The following PPIL4 variants were observed in gnomAD, a reference collection of about 807,000 sequenced individuals.
PPIL4 encodes peptidyl-prolyl cis-trans isomerase-like 4.
Under a neutral mutation model 69.1 loss-of-function variants are expected in PPIL4, and 50 were observed. That is an observed-to-expected ratio of 0.72 (90% confidence interval 0.58 to 0.92). PPIL4 has a LOEUF of 0.92. Ranked by LOEUF, PPIL4 falls within the 40% of genes least tolerant of loss-of-function variation. The probability of loss-of-function intolerance (pLI) is 0.00; values close to 1 mark genes in which losing one functional copy is unlikely to be tolerated. For missense variants in PPIL4, 480 were observed against 587.9 expected (o/e 0.82, Z 1.90); for synonymous variants, 193 against 191.6 (o/e 1.01, Z -0.06).
chr6:149,508,459 G>A (rs1776797523), intron 12 of PPIL4, among the ~76,000 whole-genome samples: 1 of 151,884 alleles, frequency 6.6e-6, no homozygotes, highest in African/African-American at 2.4e-5. Flanking sequence ...ACACAAAATG[G>A]CCAATTTAAA....
intron 4 of PPIL4, 128 bp from the exon 5 acceptor site, chr6:149,535,866 T>C (rs1051881225): frequency 8.2e-6 from 5 of 608,248 alleles, no homozygotes; most frequent in Non-Finnish European, 8.3e-6. Flanking sequence ...TCTTAGACAC[T>C]TGTTACCAAA....
intron 1 of PPIL4, among the ~76,000 whole-genome samples, chr6:149,542,184 A>G (rs1252180799): frequency 6.6e-6 from 1 of 152,196 alleles, no homozygotes; most frequent in African/African-American, 2.4e-5. Flanking sequence ...ACGAGAAAAA[A>G]GAACACTTAA....
chr6:149,520,391 AAAAC>A (rs1196859270), intron 10 of PPIL4, among the ~76,000 whole-genome samples: 8 of 152,156 alleles, frequency 5.3e-5, no homozygotes, highest in African/African-American at 1.7e-4. Flanking sequence ...TATGACAACT[AAAAC>A]AAACAAAAAA....
At chr6:149,520,122 A>G (rs751403246) in intron 10 of PPIL4, among the ~76,000 whole-genome samples, 1 of 152,186 alleles carries the variant, frequency 6.6e-6, no homozygotes, top group Non-Finnish European at 1.5e-5. Flanking sequence ...ATATGAACTG[A>G]TCTCTTAGAT....
chr6:149,517,255 C>T lies in PPIL4; in HGVS notation c.1079+99G>A. 4 of 680,980 alleles carry T rather than the reference C, an allele frequency of 5.9e-6. No homozygotes were observed. The South Asian group carries it at 7.4e-5, about 13-fold the overall frequency. 42.2% of individuals were successfully genotyped at this position (680,980 alleles called of 1,614,324 possible). A position where few individuals can be genotyped will look rare whatever the true frequency, so the allele number is the denominator to read the frequency against. On this transcript the variant is annotated intron_variant, in intron 11 of 12. Transcript: ENST00000253329. ...AACAATCTGGATTCAGGAAATTTGT[C>T]TTCTATAGCTTTTGTGACTTTTCAT...
intron 7 of PPIL4, among the ~76,000 whole-genome samples, chr6:149,527,027 G>A (rs760016280): frequency 8.5e-5 from 13 of 152,272 alleles, no homozygotes; most frequent in Non-Finnish European, 1.8e-4. Context: ...GATCTATTAC[G>A]CTAATTCTTG....
intron 9 of PPIL4, 45 bp downstream of exon 9, chr6:149,525,098 A>C (rs1197702982): frequency 9.7e-7 from 1 of 1,029,540 alleles, no homozygotes; most frequent in South Asian, 1.5e-5. Flanking sequence ...TTAATACCAT[A>C]TAAAAGCAAA....
chr6:149,536,874 T>A (rs1777284929), intron 4 of PPIL4, among the ~76,000 whole-genome samples: 2 of 152,074 alleles, frequency 1.3e-5, no homozygotes, highest in African/African-American at 4.8e-5. Flanking sequence ...GCCTATGTAA[T>A]CCCAGCACTT....
At chr6:149,531,450 C>T (rs553460681) in intron 7 of PPIL4, among the ~76,000 whole-genome samples, 2 of 149,572 alleles carry the variant, frequency 1.3e-5, no homozygotes, top group East Asian at 2.0e-4. Flanking sequence ...GCAGCTGAAT[C>T]GCTTGAACCT....
In PPIL4 at chr6:149,507,059, A is replaced by T. The variant is rs533354985; in HGVS notation, c.1228-1355T>A. ...TACTTTGTAAAATTTAACTTTCTTA[A>T]GACTGCCCAAAGGAAAGGAAAATTC... On this transcript the variant is annotated intron_variant, in intron 12 of 12. Coordinates refer to ENST00000253329, the MANE Select transcript of PPIL4 (RefSeq NM_139126.4). Among the ~76,000 whole-genome samples, 165 of 152,334 alleles carry T rather than the reference A, an allele frequency of 1.1e-3. 1 individual carries two copies. The highest frequency in any genetic ancestry group is 4.1e-3 in the South Asian group (20 of 4,828).
intron 9 of PPIL4, among the ~76,000 whole-genome samples, chr6:149,524,855 T>C (rs570321151): frequency 2.0e-5 from 3 of 151,568 alleles, no homozygotes; most frequent in African/African-American, 7.3e-5. Flanking sequence ...GAGTCGAGAC[T>C]GCGCCACTGC....
At position 149,504,986 on chromosome 6, in the gene PPIL4, A is replaced by G. The variant is rs1165965839; in HGVS notation, c.*467T>C. On this transcript the variant is annotated 3_prime_UTR_variant, in exon 13 of 13. Coordinates refer to ENST00000253329, the MANE Select transcript of PPIL4 (RefSeq NM_139126.4). ...CAAAATTAACATTTCACTTACAGAT[A>G]CATACGTATGTTGTAAAACTATAAT... The G allele has an allele frequency of 6.5e-6, 1 of 152,752 alleles. No individual in the cohort carries two copies. The highest frequency in any genetic ancestry group is 2.4e-5 in the African/African-American group (1 of 41,480). The allele number at this position is 152,752 out of a possible 1,614,324, so 9.5% of individuals were successfully genotyped here.
intron 12 of PPIL4, among the ~76,000 whole-genome samples, chr6:149,509,017 A>G (rs2115026042): frequency 6.6e-6 from 1 of 152,302 alleles, no homozygotes; most frequent in African/African-American, 2.4e-5. Context: ...GGGGGCCATT[A>G]AAATCTTAAA....
At chr6:149,541,641 A>G (rs1212136733) in intron 1 of PPIL4, 55 bp from the exon 2 acceptor site, 5 of 970,154 alleles carry the variant, frequency 5.2e-6, no homozygotes, top group Middle Eastern at 2.4e-4. Flanking sequence ...ACATTTTTAA[A>G]TAAGTAAAGC....
intron 12 of PPIL4, among the ~76,000 whole-genome samples, chr6:149,509,739 A>T (rs1025929741): frequency 6.6e-6 from 1 of 152,158 alleles, no homozygotes; most frequent in South Asian, 2.1e-4. Flanking sequence ...AGTAGTTAGG[A>T]GTATGTTTCA....
At chr6:149,534,912 C>T in intron 5 of PPIL4, 138 bp from the exon 6 acceptor site, 1 of 525,774 alleles carries the variant, frequency 1.9e-6, no homozygotes, top group Admixed American at 3.7e-5. Context: ...TATTACTAAC[C>T]TAGATATACT....
chr6:149,523,714 A>C (rs114931783), intron 9 of PPIL4, among the ~76,000 whole-genome samples: 2 of 152,146 alleles, frequency 1.3e-5, no homozygotes, highest in African/African-American at 2.4e-5. Context: ...GAAAAAAAAA[A>C]AAGAAGAAAA....
chr6:149,538,594 A>AT (rs778604294), intron 4 of PPIL4, among the ~76,000 whole-genome samples: 12 of 152,370 alleles, frequency 7.9e-5, no homozygotes, highest in Non-Finnish European at 8.8e-5. Context: ...CATTAAGAAC[A>AT]TTCGTGATTT....
chr6:149,535,570 A>T, intron 5 of PPIL4, 26 bp downstream of exon 5: 1 of 1,592,384 alleles, frequency 6.3e-7, no homozygotes, highest in Non-Finnish European at 8.6e-7. Flanking sequence ...ATTCTAGTAC[A>T]TTCAGATAGC....
Sources: allele counts gnomAD v4.1 joint callset (sites outside exome capture counted in the v4.1 genomes callset), GRCh38; gene constraint gnomAD v4.1.1; transcripts MANE v1.5; gene names NCBI Gene and HGNC (gene_info 2026-07-23, HGNC 2026-07-21).